SPTBN1: variants seen among roughly 807,000 people sequenced by gnomAD.
SPTBN1 encodes spectrin beta, non-erythrocytic 1.
Under a neutral mutation model 266.4 loss-of-function variants are expected in SPTBN1, and 32 were observed. The observed-to-expected ratio is 0.12, with a 90% CI of 0.09 to 0.16. SPTBN1 has a LOEUF of 0.16. SPTBN1 is among the 10% of genes least tolerant of loss of function. The probability of loss-of-function intolerance (pLI) is 1.00; values close to 1 mark genes in which losing one functional copy is unlikely to be tolerated. For missense variants in SPTBN1, 2,296 were observed against 3,067.1 expected, an observed-to-expected ratio of 0.75 and a Z score of 5.94; for synonymous variants, 1,336 against 1,162.2, an observed-to-expected ratio of 1.15 and a Z score of -3.04.
chr2:54,620,894 T>C (rs1251960155), intron 7 of SPTBN1, among the ~76,000 whole-genome samples: 1 of 152,162 alleles, frequency 6.6e-6, no homozygotes, highest in East Asian at 1.9e-4. Flanking sequence ...TCAGTCTGGG[T>C]GCACTATGTG....
Position 54,594,590 on chromosome 2 carries a change from A to G in SPTBN1, c.149-4502A>G, listed in dbSNP as rs566939241. 2.6e-5 allele frequency among the ~76,000 whole-genome samples: 4 copies of G among 152,316 alleles called. No homozygotes were observed. The East Asian group carries it at 5.8e-4, about 22-fold the overall frequency. On this transcript the variant is annotated intron_variant, in intron 2 of 35. Transcript: ENST00000356805. ...ACGGAAGGACGACTGTGCCTGGGAC[A>G]TAGTAAGTGCTCAGTGAATGCTATA...
intron 2 of SPTBN1, among the ~76,000 whole-genome samples, chr2:54,591,165 C>G (rs113421483): frequency 7.2e-5 from 11 of 152,284 alleles, no homozygotes; most frequent in African/African-American, 2.6e-4. Flanking sequence ...GGGTAAGAGA[C>G]TTTATCTTAG....
intron 31 of SPTBN1, among the ~76,000 whole-genome samples, chr2:54,659,508 C>A (rs1256605196): frequency 1.3e-5 from 2 of 152,304 alleles, no homozygotes; most frequent in African/African-American, 2.4e-5. Flanking sequence ...CCTTTCTCAT[C>A]CTGTGTGCAC....
At chr2:54,460,012 A>G (rs150567125) in intron 1 of SPTBN1, among the ~76,000 whole-genome samples, 1 of 152,300 alleles carries the variant, frequency 6.6e-6, no homozygotes, top group Non-Finnish European at 1.5e-5. Flanking sequence ...CTGTGTTTCT[A>G]TTTTTAAACA....
At chr2:54,544,503 G>A (rs1333156736) in intron 2 of SPTBN1, among the ~76,000 whole-genome samples, 1 of 152,104 alleles carries the variant, frequency 6.6e-6, no homozygotes, top group Non-Finnish European at 1.5e-5. Flanking sequence ...TTAACGAAAA[G>A]GTTTAGAGTT....
intron 1 of SPTBN1, among the ~76,000 whole-genome samples, chr2:54,500,688 AG>A (rs1669210205): frequency 6.6e-6 from 1 of 152,162 alleles, no homozygotes; most frequent in Non-Finnish European, 1.5e-5. Flanking sequence ...CTGGGACTAC[AG>A]ATGCATGCCA....
Position 54,540,964 on chromosome 2 carries a change from G to C in SPTBN1, c.148+14398G>C, listed in dbSNP as rs959797873. On this transcript the variant is annotated intron_variant, in intron 2 of 35. Coordinates refer to ENST00000356805, the MANE Select transcript of SPTBN1 (RefSeq NM_003128.3). This position sits in a 1 kb window ranked among gnomAD's most constrained non-coding sequence, Gnocchi z 5.6. Reference sequence around the variant, plus strand: ...AGCACAAGTGGAGGAGAATGTTGTCGTCGTTTTAACTGATGTGTAATTTAA... The same window carrying C: ...AGCACAAGTGGAGGAGAATGTTGTCCTCGTTTTAACTGATGTGTAATTTAA... Among the ~76,000 whole-genome samples, 2 of 152,176 alleles carry C rather than the reference G, an allele frequency of 1.3e-5. No individual in the cohort carries two copies. Among genetic ancestry groups the C allele is most frequent in the African/African-American group, 4.8e-5 (2 of 41,438 alleles).
rs975684686 is a variant in SPTBN1 at position 54,647,015 on chromosome 2, G to T, written c.4867-116G>T. 2.9e-5 allele frequency: 43 copies of T among 1,485,582 alleles called. No individual in the cohort carries two copies. In the East Asian group the frequency reaches 7.1e-4, roughly 24 times the overall value. The allele number at this position is 1,485,582 out of a possible 1,614,324, so 92.0% of individuals were successfully genotyped here. A position where few individuals can be genotyped will look rare whatever the true frequency, so the allele number is the denominator to read the frequency against. On this transcript the variant is annotated intron_variant, in intron 23 of 35. Transcript: ENST00000356805. ...TTCCACTGTCCGTACTGCACCTCTGGAGTTTTTCTTTCTACTGATCCTTCC... is the reference window on the plus strand; with the variant it reads ...TTCCACTGTCCGTACTGCACCTCTGTAGTTTTTCTTTCTACTGATCCTTCC...
chr2:54,543,178 C>T lies in SPTBN1; in HGVS notation c.148+16612C>T, dbSNP rs12614964. Among the ~76,000 whole-genome samples, 18 of 152,260 alleles carry T rather than the reference C, an allele frequency of 1.2e-4. No homozygotes were observed. The East Asian group carries it at 1.7e-3, about 15-fold the overall frequency. The stretch of plus-strand genomic sequence containing the variant: ...GTCCCACATGAGGTCCCTGCTCTGT[C>T]GCCTACTAGCTATGCGATGGTGGGC... On this transcript the variant is annotated intron_variant, in intron 2 of 35. Coordinates refer to ENST00000356805, the MANE Select transcript of SPTBN1 (RefSeq NM_003128.3).
In SPTBN1 at chr2:54,464,178, C is replaced by G. The variant is rs529996522; in HGVS notation, c.-48+7660C>G. 6.6e-5 allele frequency among the ~76,000 whole-genome samples: 10 copies of G among 152,288 alleles called. No homozygotes were observed. The East Asian group carries it at 7.7e-4, about 12-fold the overall frequency. ...ATGCTTATACCTCTTGAACTGAAAT[C>G]TCACATGTAGCTTGGTAACCTACAA... On this transcript the variant is annotated intron_variant, in intron 1 of 35. Transcript: ENST00000356805.
intron 5 of SPTBN1, 105 bp from the exon 6 acceptor site, chr2:54,617,503 G>A: frequency 1.0e-6 from 1 of 973,190 alleles, no homozygotes; most frequent in Non-Finnish European, 1.6e-6. Flanking sequence ...CACTGCTTTA[G>A]GTTTTACAAT....
At position 54,538,804 on chromosome 2, in the gene SPTBN1, C is replaced by A. The variant is rs557508592; in HGVS notation, c.148+12238C>A. On this transcript the variant is annotated intron_variant, in intron 2 of 35. Coordinates refer to ENST00000356805, the MANE Select transcript of SPTBN1 (RefSeq NM_003128.3). ...TTTTTGAACATGTATGTGAAGTCGC[C>A]TTATTAGTCACAAGATTGTGTCTTT... 2.4e-4 allele frequency among the ~76,000 whole-genome samples: 36 copies of A among 152,306 alleles called. No individual in the cohort carries two copies. In the South Asian group the frequency reaches 7.5e-3, roughly 32 times the overall value.
At chr2:54,508,540 C>A (rs541752164) in intron 1 of SPTBN1, among the ~76,000 whole-genome samples, 3 of 141,358 alleles carry the variant, frequency 2.1e-5, no homozygotes, top group Non-Finnish European at 4.4e-5. Flanking sequence ...TTCTAAGAGG[C>A]GGGCTAGCGG....
chr2:54,606,564 C>T (rs1158763059), intron 3 of SPTBN1, among the ~76,000 whole-genome samples: 1 of 152,182 alleles, frequency 6.6e-6, no homozygotes, highest in Non-Finnish European at 1.5e-5. Flanking sequence ...CAAATTTGAA[C>T]AGTTTTGAAC....
intron 2 of SPTBN1, among the ~76,000 whole-genome samples, chr2:54,549,585 T>C (rs1356745918): frequency 6.6e-6 from 1 of 152,202 alleles, no homozygotes; most frequent in Non-Finnish European, 1.5e-5. Flanking sequence ...GTACTTTCCA[T>C]TATTTTAATT....
rs543489843 is a variant in SPTBN1 at position 54,649,503 on chromosome 2, T to G, written c.5203-112T>G. 53 of 1,448,338 alleles carry G rather than the reference T, an allele frequency of 3.7e-5. No individual in the cohort carries two copies. The Middle Eastern group carries it at 7.4e-4, about 20-fold the overall frequency. 89.7% of individuals were successfully genotyped at this position (1,448,338 alleles called of 1,614,324 possible). ...ATCTATTGTTCTGAAGTCATGAGTA[T>G]TATTGGCTACATCTTGCTTAGAGGC... On this transcript the variant is annotated intron_variant, in intron 25 of 35. Coordinates refer to ENST00000356805, the MANE Select transcript of SPTBN1 (RefSeq NM_003128.3). The surrounding 1 kb of genome is among the most constrained non-coding windows in gnomAD (Gnocchi z 6.7).
At chr2:54,501,743 GCA>G (rs1484803979) in intron 1 of SPTBN1, among the ~76,000 whole-genome samples, 1 of 152,192 alleles carries the variant, frequency 6.6e-6, no homozygotes, top group African/African-American at 2.4e-5. Context: ...CCCTTTGCTG[GCA>G]CTGGGCACTG....
At chr2:54,538,049 G>C (rs762764184) in intron 2 of SPTBN1, among the ~76,000 whole-genome samples, 53 of 152,170 alleles carry the variant, frequency 3.5e-4, no homozygotes, top group Non-Finnish European at 6.3e-4. Flanking sequence ...CACATTTTCA[G>C]ATAGACTGAT....
At chr2:54,529,968 A>G (rs1671113803) in intron 2 of SPTBN1, among the ~76,000 whole-genome samples, 1 of 144,216 alleles carries the variant, frequency 6.9e-6, no homozygotes, top group Non-Finnish European at 1.5e-5. Flanking sequence ...CTTATAGGGG[A>G]GTGATACAGT....
Sources: gnomAD v4.1 joint callset for allele counts (sites outside exome capture counted in the v4.1 genomes callset) on GRCh38, gnomAD v4.1.1 for gene constraint, Gnocchi (gnomAD v3.1) non-coding constraint, MANE v1.5 for transcripts, NCBI Gene and HGNC (gene_info 2026-07-23, HGNC 2026-07-21) for gene names.